PDZRN3: variants seen among roughly 807,000 people sequenced by gnomAD.
PDZRN3 encodes the protein PDZ domain containing ring finger 3, also known as E3 ubiquitin-protein ligase PDZRN3.
PDZRN3 carries 38 observed loss-of-function variants against 85.7 expected under a neutral mutation model. The observed-to-expected ratio is 0.44, with a 90% CI of 0.34 to 0.58. PDZRN3 has a LOEUF of 0.58. PDZRN3 is among the 20% of genes least tolerant of loss of function. The pLI is 0.01. For synonymous variants in PDZRN3, 759 were observed against 638.0 expected, an observed-to-expected ratio of 1.19 and a Z score of -2.86; for missense variants, 1,629 against 1,506.4, an observed-to-expected ratio of 1.08 and a Z score of -1.35.
chr3:73,408,080 C>T (rs1332789081), intron 3 of PDZRN3: 1 of 689,344 alleles, frequency 1.5e-6, no homozygotes, highest in Non-Finnish European at 2.6e-6. Context: ...ATTTTAGTAG[C>T]CCATGCAGTT....
chr3:73,523,201 A>T (rs1704415118), intron 3 of PDZRN3, among the ~76,000 whole-genome samples: 1 of 151,934 alleles, frequency 6.6e-6, no homozygotes. Context: ...TAATTTTTGT[A>T]CTTTTGGTAG....
rs1421908698 is a variant in PDZRN3, at chr3:73,462,553, A to AG, written c.919-58159_919-58158insC. Among the ~76,000 whole-genome samples, 45 of 151,452 alleles carry AG rather than the reference A, an allele frequency of 3.0e-4. No individual in the cohort carries two copies. The South Asian group carries it at 5.5e-3, about 18-fold the overall frequency. ...GTGAGACTCCGTCTCAAAAAAAAAA[A>AG]AAAAAAAAAGAACTTGATTCCATTT... On this transcript the variant is annotated intron_variant, in intron 3 of 9. Coordinates refer to ENST00000263666, the MANE Select transcript of PDZRN3 (RefSeq NM_015009.3).
intron 3 of PDZRN3, among the ~76,000 whole-genome samples, chr3:73,413,614 G>A (rs1457123793): frequency 1.3e-5 from 2 of 152,106 alleles, no homozygotes; most frequent in Non-Finnish European, 2.9e-5. Context: ...CGAAATGCGT[G>A]TTCTAACCAC....
At chr3:73,453,696 T>G (rs1702921985) in intron 3 of PDZRN3, among the ~76,000 whole-genome samples, 1 of 152,190 alleles carries the variant, frequency 6.6e-6, no homozygotes, top group African/African-American at 2.4e-5. Flanking sequence ...TGAAAAACTC[T>G]TAAATTTCTC....
chr3:73,422,760 C>T (rs189501993), intron 3 of PDZRN3, among the ~76,000 whole-genome samples: 7 of 152,270 alleles, frequency 4.6e-5, no homozygotes, highest in Non-Finnish European at 4.4e-5. Flanking sequence ...CATGGCGCAA[C>T]TTGGAACAAA....
rs79372692 is a variant in PDZRN3, at chr3:73,517,580, A to G, written c.918+84774T>C. ...GAAATGTACACAAGAGAATATTCTC[A>G]AAATGGCAGGGAGGAAACTACAGGA... On this transcript the variant is annotated intron_variant, in intron 3 of 9. Transcript: ENST00000263666. Among the ~76,000 whole-genome samples the G allele has an allele frequency of 6.9e-3, 1,048 of 152,350 alleles. 10 individuals are homozygous for G. The highest frequency in any genetic ancestry group is 0.024 in the African/African-American group (988 of 41,578).
In PDZRN3 at chr3:73,612,243, A is replaced by AG. The variant is rs563645527; in HGVS notation, c.724-3560dup. On this transcript the variant is annotated intron_variant, in intron 1 of 9. Coordinates refer to ENST00000263666, the MANE Select transcript of PDZRN3 (RefSeq NM_015009.3). ...GACAAACTGAGGCTCAGGGAAAATC[A>AG]GACACTTGCTCATGATCACATAGTG... Among the ~76,000 whole-genome samples, 8 of 152,306 alleles carry AG rather than the reference A, an allele frequency of 5.3e-5. No homozygotes were observed. The East Asian group carries it at 1.5e-3, about 29-fold the overall frequency.
In PDZRN3 at chr3:73,624,294, C is replaced by G. The variant is rs1210060680; in HGVS notation, c.532G>C (p.Gly178Arg). ...AHNGALQARLGALHKALKKEA... is the reference protein window; with the variant it reads ...AHNGALQARLRALHKALKKEA... The stretch of plus-strand genomic sequence containing the variant: ...TTCTTGAGCGCCTTGTGCAGCGCGC[C>G]CAGGCGGGCCTGGAGCGCGCCGTTG... The change falls in exon 1 of 10, where the codon GGC becomes CGC. Residue 178 changes from glycine to arginine, a missense_variant. By Grantham distance (125) the Gly-to-Arg change is moderately radical. Coordinates refer to ENST00000263666, the MANE Select transcript of PDZRN3 (RefSeq NM_015009.3). The G allele has an allele frequency of 7.3e-7, 1 of 1,367,248 alleles. No homozygotes were observed. Among genetic ancestry groups the G allele is most frequent in the South Asian group, 1.7e-5 (1 of 57,946 alleles). 84.7% of individuals were successfully genotyped at this position (1,367,248 alleles called of 1,614,324 possible). A position where few individuals can be genotyped will look rare whatever the true frequency, so the allele number is the denominator to read the frequency against.
intron 2 of PDZRN3, among the ~76,000 whole-genome samples, chr3:73,608,234 C>T (rs969874829): frequency 6.6e-6 from 1 of 152,176 alleles, no homozygotes; most frequent in Admixed American, 6.5e-5. Flanking sequence ...GTCTGGAGCA[C>T]CACACTCCAG....
chr3:73,500,330 T>C (rs1021720385), intron 3 of PDZRN3, among the ~76,000 whole-genome samples: 1 of 152,340 alleles, frequency 6.6e-6, no homozygotes, highest in African/African-American at 2.4e-5. Flanking sequence ...ATTATAGGCA[T>C]GAGCCACTGT....
At chr3:73,405,771 T>C (rs1452223218) in intron 3 of PDZRN3, among the ~76,000 whole-genome samples, 1 of 152,244 alleles carries the variant, frequency 6.6e-6, no homozygotes, top group Non-Finnish European at 1.5e-5. Context: ...ATATATACAT[T>C]TTCCTCCCTT....
chr3:73,537,650 C>T (rs1704819375), intron 3 of PDZRN3, among the ~76,000 whole-genome samples: 1 of 152,032 alleles, frequency 6.6e-6, no homozygotes, highest in South Asian at 2.1e-4. Context: ...GATGGTGTCT[C>T]ACTCTGTCGC....
At chr3:73,470,667 G>A (rs1287727626) in intron 3 of PDZRN3, among the ~76,000 whole-genome samples, 1 of 152,188 alleles carries the variant, frequency 6.6e-6, no homozygotes. Context: ...TGGAAACAAT[G>A]CACAGACATA....
chr3:73,615,403 ACACTTC>A (rs1032560477), intron 1 of PDZRN3, among the ~76,000 whole-genome samples: 1 of 152,218 alleles, frequency 6.6e-6, no homozygotes, highest in African/African-American at 2.4e-5. Flanking sequence ...CAGCATCTTA[ACACTTC>A]CACTTACTTA....
chr3:73,587,834 T>C (rs190445143), intron 3 of PDZRN3, among the ~76,000 whole-genome samples: 1 of 152,304 alleles, frequency 6.6e-6, no homozygotes, highest in East Asian at 1.9e-4. Context: ...CATTCCACTG[T>C]CAATCTCTAA....
chr3:73,557,111 C>G (rs1701714589), intron 3 of PDZRN3, among the ~76,000 whole-genome samples: 1 of 152,128 alleles, frequency 6.6e-6, no homozygotes, highest in Non-Finnish European at 1.5e-5. Flanking sequence ...AGATCCTGCA[C>G]AGAACTTGGT....
At chr3:73,564,027 G>A (rs553589917) in intron 3 of PDZRN3, among the ~76,000 whole-genome samples, 4 of 152,244 alleles carry the variant, frequency 2.6e-5, no homozygotes, top group Admixed American at 2.0e-4. Context: ...GGGCTGCTGT[G>A]AGCACGGTTG....
At chr3:73,518,961 C>T (rs775975572) in intron 3 of PDZRN3, among the ~76,000 whole-genome samples, 7 of 152,160 alleles carry the variant, frequency 4.6e-5, no homozygotes, top group South Asian at 2.1e-4. Context: ...AGACAAGTGA[C>T]GTACTTAAGA....
chr3:73,612,709 T>G (rs1476585214), intron 1 of PDZRN3, among the ~76,000 whole-genome samples: 4 of 152,232 alleles, frequency 2.6e-5, no homozygotes, highest in Admixed American at 2.6e-4. Flanking sequence ...AGTTCAGGGC[T>G]GGACTTAAGA....
Sources: allele counts gnomAD v4.1 joint callset (sites outside exome capture counted in the v4.1 genomes callset), GRCh38; gene constraint gnomAD v4.1.1; transcripts MANE v1.5; gene names NCBI Gene and HGNC (gene_info 2026-07-23, HGNC 2026-07-21).